The following EMCN variants were observed in gnomAD, a reference collection of about 807,000 sequenced individuals.
EMCN encodes MUC-14.
Under a neutral mutation model 38.4 loss-of-function variants are expected in EMCN, and 37 were observed. The observed-to-expected ratio is 0.96, with a 90% CI of 0.74 to 1.27. The LOEUF (loss-of-function observed/expected upper bound fraction) is 1.27. Ranked by LOEUF, EMCN falls within the 50% of genes most tolerant of loss-of-function variation. EMCN has a pLI of 0.00. For synonymous variants in EMCN, 95 were observed against 100.8 expected (o/e 0.94, Z 0.35); for missense variants, 318 against 302.8 (o/e 1.05, Z -0.37).
At chr4:100,408,725 A>AT (rs1451702409) in intron 11 of EMCN, among the ~76,000 whole-genome samples, 1 of 151,842 alleles carries the variant, frequency 6.6e-6, no homozygotes, top group African/African-American at 2.4e-5. Flanking sequence ...CAAGCTTAGG[A>AT]TTTTTTCTCT....
chr4:100,406,035 G>C lies in EMCN; in HGVS notation c.*39+4247C>G, dbSNP rs138314493. Among the ~76,000 whole-genome samples, 866 of 151,244 alleles carry C rather than the reference G, an allele frequency of 5.7e-3. 7 individuals carry two copies. Among genetic ancestry groups the C allele is most frequent in the Admixed American group, 0.012 (189 of 15,208 alleles). ...ATAAAGATGTTTGTAATAGTCTCTG[G>C]ATTTTTTGTTTGTTTGTTTGTTTTT... On this transcript the variant is annotated intron_variant, in intron 11 of 11. Transcript: ENST00000296420.
chr4:100,483,891 T>A (rs1728876099), intron 1 of EMCN, among the ~76,000 whole-genome samples: 1 of 152,162 alleles, frequency 6.6e-6, no homozygotes, highest in African/African-American at 2.4e-5. Context: ...AGATACTATT[T>A]TTTTCCTCTG....
chr4:100,442,890 C>T (rs1727562619), intron 5 of EMCN, among the ~76,000 whole-genome samples: 1 of 152,138 alleles, frequency 6.6e-6, no homozygotes, highest in African/African-American at 2.4e-5. Context: ...CACTCTGTCA[C>T]CCAGGCTAGA....
chr4:100,471,139 C>A (rs1307347628), intron 3 of EMCN, among the ~76,000 whole-genome samples: 3 of 151,376 alleles, frequency 2.0e-5, no homozygotes, highest in African/African-American at 7.3e-5. Flanking sequence ...AAACACAACA[C>A]AGAAAAAAAA....
intron 7 of EMCN, among the ~76,000 whole-genome samples, 184 bp downstream of exon 7, chr4:100,422,837 T>G (rs1390992818): frequency 8.6e-6 from 1 of 116,054 alleles, no homozygotes; most frequent in Admixed American, 9.2e-5. Context: ...TTTTTTTTTT[T>G]GTCATTAAGA....
chr4:100,508,863 A>T (rs1166759777), intron 1 of EMCN, among the ~76,000 whole-genome samples: 1 of 152,234 alleles, frequency 6.6e-6, no homozygotes, highest in East Asian at 1.9e-4. Context: ...TGCTATTTAT[A>T]CAATAGTAAG....
intron 1 of EMCN, among the ~76,000 whole-genome samples, chr4:100,495,426 G>A (rs774526747): frequency 1.5e-4 from 23 of 152,038 alleles, no homozygotes; most frequent in Non-Finnish European, 2.4e-4. Flanking sequence ...GTACTTCAAT[G>A]CAGCCTCAAT....
intron 4 of EMCN, among the ~76,000 whole-genome samples, chr4:100,458,341 G>A (rs1398714117): frequency 6.6e-6 from 1 of 151,856 alleles, no homozygotes; most frequent in African/African-American, 2.4e-5. Flanking sequence ...ATTTCCAAGG[G>A]CCTAGTGAAA....
chr4:100,493,433 A>G (rs926193556), intron 1 of EMCN, among the ~76,000 whole-genome samples: 6 of 152,212 alleles, frequency 3.9e-5, no homozygotes, highest in Non-Finnish European at 8.8e-5. Context: ...TTTACCTGTT[A>G]TGGTTCTGTG....
chr4:100,423,457 G>A, intron 5 of EMCN, 53 bp from the exon 6 acceptor site: 1 of 1,285,674 alleles, frequency 7.8e-7, no homozygotes, highest in South Asian at 1.2e-5. Context: ...GCCTTCATAT[G>A]GGATTTCTTT....
At chr4:100,414,782 AC>A (rs1350470005) in intron 10 of EMCN, among the ~76,000 whole-genome samples, 1 of 152,200 alleles carries the variant, frequency 6.6e-6, no homozygotes, top group Admixed American at 6.5e-5. Context: ...TTTCTGTTTT[AC>A]AAAATTATTT....
At chr4:100,508,055 G>A (rs1271933471) in intron 1 of EMCN, among the ~76,000 whole-genome samples, 1 of 152,184 alleles carries the variant, frequency 6.6e-6, no homozygotes, top group Non-Finnish European at 1.5e-5. Flanking sequence ...GGATGAAAAT[G>A]AAGCAAGATA....
chr4:100,421,483 C>A, intron 7 of EMCN, 106 bp from the exon 8 acceptor site: 2 of 826,710 alleles, frequency 2.4e-6, no homozygotes, highest in South Asian at 1.6e-5. Flanking sequence ...CTTTAAATAT[C>A]ATTCTATTAA....
intron 11 of EMCN, among the ~76,000 whole-genome samples, chr4:100,409,184 A>G (rs758517944): frequency 1.9e-4 from 29 of 152,096 alleles, no homozygotes; most frequent in Non-Finnish European, 3.1e-4. Flanking sequence ...TAGAGTGACT[A>G]TCATTGTGGT....
intron 4 of EMCN, among the ~76,000 whole-genome samples, chr4:100,450,522 A>T (rs1395971790): frequency 6.6e-6 from 1 of 151,960 alleles, no homozygotes; most frequent in African/African-American, 2.4e-5. Flanking sequence ...AAATATATAC[A>T]TCTATTCCCA....
chr4:100,431,210 G>A (rs1281248991), intron 5 of EMCN, among the ~76,000 whole-genome samples: 1 of 151,008 alleles, frequency 6.6e-6, no homozygotes, highest in Non-Finnish European at 1.5e-5. Flanking sequence ...CTGAGACTCT[G>A]AAACACAGTT....
intron 2 of EMCN, among the ~76,000 whole-genome samples, chr4:100,476,375 C>G (rs1319522330): frequency 6.6e-6 from 1 of 152,036 alleles, no homozygotes; most frequent in African/African-American, 2.4e-5. Flanking sequence ...AATCAGACTT[C>G]TGGCCTCAAG....
chr4:100,443,204 C>T lies in EMCN; in HGVS notation c.415+4329G>A, dbSNP rs535115296. ...GAGTTTGTAATTTCTGCTTCTTTGT[C>T]GCTAGTTATTGGAGAACTATGATTT... On this transcript the variant is annotated intron_variant, in intron 5 of 11. Coordinates refer to ENST00000296420, the MANE Select transcript of EMCN (RefSeq NM_016242.4). 6.6e-5 allele frequency among the ~76,000 whole-genome samples: 10 copies of T among 152,308 alleles called. No homozygotes were observed. In the South Asian group the frequency reaches 8.3e-4, roughly 13 times the overall value.
At chr4:100,506,911 T>C (rs1228445309) in intron 1 of EMCN, among the ~76,000 whole-genome samples, 1 of 152,226 alleles carries the variant, frequency 6.6e-6, no homozygotes, top group South Asian at 2.1e-4. Flanking sequence ...CATAATATCA[T>C]AGCTTCTGCA....
Sources: allele counts gnomAD v4.1 joint callset (sites outside exome capture counted in the v4.1 genomes callset), GRCh38; gene constraint gnomAD v4.1.1; transcripts MANE v1.5; gene names NCBI Gene and HGNC (gene_info 2026-07-23, HGNC 2026-07-21).